DNAH17: variants seen among roughly 807,000 people sequenced by gnomAD.
The protein encoded by DNAH17 is axonemal beta dynein heavy chain 17.
Under a neutral mutation model 485.6 loss-of-function variants are expected in DNAH17, and 376 were observed. The observed-to-expected ratio is 0.77, with a 90% CI of 0.71 to 0.84. The LOEUF is 0.84. Among genes scored for constraint, DNAH17 ranks in the 40% least tolerant of loss-of-function variants. The pLI is 0.00. For missense variants in DNAH17, 6,370 were observed against 5,839.3 expected, an observed-to-expected ratio of 1.09 and a Z score of -2.96; for synonymous variants, 3,031 against 2,405.9, an observed-to-expected ratio of 1.26 and a Z score of -7.60.
At chr17:78,570,826 C>T (rs1423316990) in intron 6 of DNAH17, 122 bp downstream of exon 6, 6 of 708,782 alleles carry the variant, frequency 8.5e-6, no homozygotes, top group African/African-American at 4.4e-5. Context: ...CCACAGCACT[C>T]TAGCCTGGTG....
intron 54 of DNAH17, 95 bp from the exon 55 acceptor site, chr17:78,468,978 C>G: frequency 1.4e-6 from 2 of 1,448,750 alleles, no homozygotes; most frequent in South Asian, 1.4e-5. Flanking sequence ...GCCATTTTTT[C>G]TTTGAGACGG....
At chr17:78,454,390 C>A (rs2087695531) in intron 64 of DNAH17, 80 bp downstream of exon 64, 1 of 1,090,756 alleles carries the variant, frequency 9.2e-7, no homozygotes, top group Non-Finnish European at 1.3e-6. Flanking sequence ...ACCCACCCAT[C>A]CATTGAACCA....
Position 78,507,701 on chromosome 17 carries a change from C to T in DNAH17, c.4341G>A (p.Glu1447=), listed in dbSNP as rs2090525590. 1.2e-6 allele frequency: 2 copies of T among 1,610,206 alleles called. No individual in the cohort carries two copies. The highest frequency in any genetic ancestry group is 2.7e-5 in the African/African-American group (2 of 74,924). ...GCTGCACCTGGTTGTCCTCCAGCGT[C>T]TCCACCAGCACCTCGCTGGACTTGA... is the stretch of plus-strand genomic sequence containing the variant. ...MMLKSSEVLV[E]TLEDNQVQLQ... is the part of the protein sequence containing the mutation. The change falls in exon 28 of 81, where the codon GAG becomes GAA. Residue 1447 remains glutamate, a synonymous_variant. Coordinates refer to ENST00000389840, the MANE Select transcript of DNAH17 (RefSeq NM_173628.4).
rs896325475 is a variant in DNAH17 at position 78,485,767 on chromosome 17, G to A, written c.7276-10C>T. 6.2e-7 allele frequency: 1 copy of A among 1,611,702 alleles called. No individual in the cohort carries two copies. Among genetic ancestry groups the A allele is most frequent in the Non-Finnish European group, 8.5e-7 (1 of 1,178,348 alleles). On this transcript the variant is annotated splice_polypyrimidine_tract_variant and intron_variant, in intron 46 of 80. Transcript: ENST00000389840. The stretch of plus-strand genomic sequence containing the variant: ...TGTGGACCAAAGAGGCCTGGGGCAG[G>A]GGAGGGAAGGGGAGGGAGCTGTGAT...
chr17:78,539,923 T>C, intron 17 of DNAH17, 43 bp from the exon 18 acceptor site: 1 of 1,519,424 alleles, frequency 6.6e-7, no homozygotes, highest in Non-Finnish European at 8.8e-7. Context: ...TCACTGGCTG[T>C]GCTTGCTCTT....
chr17:78,471,783 C>A (rs1179040778), intron 54 of DNAH17, among the ~76,000 whole-genome samples: 1 of 152,122 alleles, frequency 6.6e-6, no homozygotes. Context: ...TCACCTTCCC[C>A]GCTCACTCTC....
At chr17:78,548,004 T>C (rs1221992558) in intron 16 of DNAH17, among the ~76,000 whole-genome samples, 2 of 152,188 alleles carry the variant, frequency 1.3e-5, no homozygotes, top group African/African-American at 2.4e-5. Context: ...CCTTTGCATA[T>C]TAGCAATTTC....
intron 14 of DNAH17, among the ~76,000 whole-genome samples, chr17:78,556,925 CG>C (rs1258925524): frequency 5.3e-5 from 8 of 152,192 alleles, no homozygotes; most frequent in Non-Finnish European, 1.0e-4. Context: ...AAACAGAACA[CG>C]TATGATACCA....
At chr17:78,451,701 T>C in intron 65 of DNAH17, 28 bp from the exon 66 acceptor site, 1 of 1,535,946 alleles carries the variant, frequency 6.5e-7, no homozygotes, top group East Asian at 2.3e-5. Flanking sequence ...AAAGGGTTAG[T>C]GGGCCTCCCA....
chr17:78,440,940 C>A, intron 72 of DNAH17, 111 bp downstream of exon 72: 1 of 1,330,422 alleles, frequency 7.5e-7, no homozygotes, highest in Non-Finnish European at 1.0e-6. Context: ...CGTGAAGCCG[C>A]GTCTTGGGTG....
chr17:78,445,480 G>A (rs954969646), intron 70 of DNAH17, 78 bp downstream of exon 70: 4 of 1,508,584 alleles, frequency 2.7e-6, no homozygotes, highest in Middle Eastern at 2.1e-4. Context: ...TTCTGGCCTT[G>A]GAAACATCCG....
At position 78,426,734 on chromosome 17, in the gene DNAH17, A is replaced by G. The variant is rs72914883; in HGVS notation, c.12772-134T>C. The G allele has an allele frequency of 0.16, 218,227 of 1,352,646 alleles. 18,595 individuals are homozygous for G. Among genetic ancestry groups the G allele is most frequent in the Middle Eastern group, 0.21 (790 of 3,832 alleles). The allele number at this position is 1,352,646 out of a possible 1,614,324, so 83.8% of individuals were successfully genotyped here. A position where few individuals can be genotyped will look rare whatever the true frequency, so the allele number is the denominator to read the frequency against. On this transcript the variant is annotated intron_variant, in intron 78 of 80. Coordinates refer to ENST00000389840, the MANE Select transcript of DNAH17 (RefSeq NM_173628.4). The stretch of plus-strand genomic sequence containing the variant: ...TCTGGAGACGCCCTGCATCAGGGCC[A>G]CGCAAGCGCTTCCTGCTAAGGAACG...
At chr17:78,460,334 G>GCATGTGTGTGCATGTGTGTA (rs2088044176) in intron 58 of DNAH17, 77 bp from the exon 59 acceptor site, 5 of 869,004 alleles carry the variant, frequency 5.8e-6, no homozygotes, top group Middle Eastern at 2.5e-4. Flanking sequence ...GCATGTGTGT[G>GCATGTGTGTGCATGTGTGTA]CATGTGTGTG....
chr17:78,496,038 C>T lies in DNAH17; in HGVS notation c.5746-6G>A, dbSNP rs746596818. ...GCATCCTGGACACATTTTACCTGCA[C>T]GGTTGGTGACACAGACATGTTAGCA... On this transcript the variant is annotated splice_polypyrimidine_tract_variant and splice_region_variant and intron_variant, in intron 37 of 80. Transcript: ENST00000389840. 1.2e-4 allele frequency: 195 copies of T among 1,610,428 alleles called. No homozygotes were observed. The highest frequency in any genetic ancestry group is 1.2e-3 in the Middle Eastern group (7 of 6,060).
chr17:78,516,634 G>C (rs917121165), intron 25 of DNAH17, among the ~76,000 whole-genome samples: 3 of 148,280 alleles, frequency 2.0e-5, no homozygotes, highest in African/African-American at 7.5e-5. Flanking sequence ...AGGTTGCAGC[G>C]AGTGGACATC....
chr17:78,473,164 G>T (rs2088844495), intron 54 of DNAH17, among the ~76,000 whole-genome samples: 1 of 152,206 alleles, frequency 6.6e-6, no homozygotes, highest in African/African-American at 2.4e-5. Flanking sequence ...GAATGGCTCA[G>T]GAGTCTAGCT....
At chr17:78,466,943 C>A (rs1004146830) in intron 55 of DNAH17, 127 bp from the exon 56 acceptor site, 1 of 965,632 alleles carries the variant, frequency 1.0e-6, no homozygotes, top group Non-Finnish European at 1.4e-6. Flanking sequence ...AGGGCCTGGG[C>A]AGCACAGTCC....
rs774863385 is a variant in DNAH17, at chr17:78,507,459, T to C, written c.4583A>G (p.Lys1528Arg). 5 of 1,612,248 alleles carry C rather than the reference T, an allele frequency of 3.1e-6. No individual in the cohort carries two copies. The African/African-American group carries it at 5.3e-5, about 17-fold the overall frequency. Residue 1528 changes from lysine (K) to arginine (R), a missense_variant and splice_region_variant, in exon 28 of 81, where the codon AAG becomes AGG. By Grantham distance (26) the Lys-to-Arg change is conservative. Transcript: ENST00000389840. Reference protein sequence around the residue: ...QRFDDINQEFKALMEDAVKTP... With the variant: ...QRFDDINQEFRALMEDAVKTP... Reference sequence around the variant, plus strand: ...TGGGAACCACCGGGCTGTGCTCACCTTGAATTCCTGGTTGATGTCGTCAAA... The same window carrying C: ...TGGGAACCACCGGGCTGTGCTCACCCTGAATTCCTGGTTGATGTCGTCAAA...
chr17:78,488,825 G>A (rs1358377140), intron 44 of DNAH17, among the ~76,000 whole-genome samples: 1 of 152,134 alleles, frequency 6.6e-6, no homozygotes, highest in Non-Finnish European at 1.5e-5. Flanking sequence ...AGAAGGCCAC[G>A]TGGAGACAGA....
Sources: gnomAD v4.1 joint callset for allele counts (sites outside exome capture counted in the v4.1 genomes callset) on GRCh38, gnomAD v4.1.1 for gene constraint, MANE v1.5 for transcripts, NCBI Gene and HGNC (gene_info 2026-07-23, HGNC 2026-07-21) for gene names.